Variants in OTOG observed in about 807,000 individuals in gnomAD.
OTOG encodes otogelin.
Under a neutral mutation model 313.8 loss-of-function variants are expected in OTOG, and 296 were observed. That is an observed-to-expected ratio of 0.94 (90% CI 0.86 to 1.04). The LOEUF is 1.04. OTOG is among the 50% of genes least tolerant of loss of function. The pLI, the probability that OTOG is intolerant of heterozygous loss-of-function variation, is 0.00. For synonymous variants in OTOG, 1,533 were observed against 1,554.9 expected (o/e 0.99, Z 0.33); for missense variants, 3,948 against 3,840.1 (o/e 1.03, Z -0.74).
In OTOG at chr11:17,558,306, A is replaced by C; in HGVS notation, c.987A>C (p.Gly329=). ...CACCGTGCCTACAGCAGAACCCAGG[A>C]ACCATGCAGGTCTGGAGCTTGGGGA... ...PRPPCLQQNP[G]TMQGVYEQCE... Residue 329 remains glycine, a synonymous_variant, in exon 9 of 56, where the codon GGA becomes GGC. Coordinates refer to ENST00000399397, the MANE Select transcript of OTOG (RefSeq NM_001292063.2). 6.4e-7 allele frequency: 1 copy of C among 1,550,852 alleles called. No individual in the cohort carries two copies. Among genetic ancestry groups the C allele is most frequent in the Non-Finnish European group, 8.7e-7 (1 of 1,147,040 alleles).
At chr11:17,594,911 A>G (rs1853055046) in intron 28 of OTOG, among the ~76,000 whole-genome samples, 1 of 152,200 alleles carries the variant, frequency 6.6e-6, no homozygotes, top group African/African-American at 2.4e-5. Context: ...CTTGGGAGCT[A>G]TGTTGAGAAA....
At chr11:17,551,402 A>G (rs569913552) in intron 3 of OTOG, among the ~76,000 whole-genome samples, 40 of 152,244 alleles carry the variant, frequency 2.6e-4, no homozygotes, top group African/African-American at 9.1e-4. Context: ...TAAGCCACAC[A>G]CTTGGCCTGT....
chr11:17,603,937 G>A (rs1230993562), intron 32 of OTOG, among the ~76,000 whole-genome samples: 1 of 152,118 alleles, frequency 6.6e-6, no homozygotes, highest in Non-Finnish European at 1.5e-5. Context: ...CCCTTCTGTA[G>A]GACTTCTCAT....
intron 47 of OTOG, 147 bp downstream of exon 47, chr11:17,635,858 G>A (rs549508402): frequency 4.6e-5 from 31 of 678,522 alleles, no homozygotes; most frequent in Admixed American, 4.5e-4. Context: ...AATCCAGGAC[G>A]AGTGCAGGCC....
intron 17 of OTOG, 67 bp downstream of exon 17, chr11:17,570,457 G>C: frequency 6.8e-7 from 1 of 1,464,054 alleles, no homozygotes; most frequent in South Asian, 1.3e-5. Context: ...GGTATCTAGA[G>C]GCACTGCCTA....
rs1217406448 is a variant in OTOG, at chr11:17,632,196, T to G, written c.7042T>G (p.Cys2348Gly). Reference sequence around the variant, plus strand: ...GGCCATGTGCCACAAATTTCATGTGTGCATCGAGTGGCGGCGCTCTGACTA... The same window carrying G: ...GGCCATGTGCCACAAATTTCATGTGGGCATCGAGTGGCGGCGCTCTGACTA... ...YVAMCHKFHV[C>G]IEWRRSDYCP... is the part of the protein sequence containing the mutation. Residue 2348 changes from cysteine to glycine, a missense_variant, in exon 42 of 56, where the codon TGC becomes GGC. Transcript: ENST00000399397. 9.7e-6 allele frequency: 15 copies of G among 1,550,914 alleles called. No homozygotes were observed. Among genetic ancestry groups the G allele is most frequent in the Non-Finnish European group, 1.3e-5 (15 of 1,146,960 alleles).
At chr11:17,613,281 C>G (rs1169274330) in intron 38 of OTOG, among the ~76,000 whole-genome samples, 2 of 136,430 alleles carry the variant, frequency 1.5e-5, no homozygotes, top group African/African-American at 5.3e-5. Context: ...CTCTGTCTGT[C>G]TTTCTCCTTC....
intron 1 of OTOG, 83 bp from the exon 2 acceptor site, chr11:17,547,844 G>A (rs891705958): frequency 1.3e-5 from 6 of 447,148 alleles, no homozygotes; most frequent in African/African-American, 1.2e-4. Context: ...CGTGGGAGAG[G>A]CTTTCTAGCA....
chr11:17,552,614 C>CTGTGTCTCCCCCCTGTCCTGTG (rs1158447407), intron 4 of OTOG, among the ~76,000 whole-genome samples: 1 of 151,694 alleles, frequency 6.6e-6, no homozygotes, highest in African/African-American at 2.4e-5. Context: ...CCCACCTGTC[C>CTGTGTCTCCCCCCTGTCCTGTG]TCTCACATCA....
chr11:17,634,706 A>T, intron 44 of OTOG, 138 bp from the exon 45 acceptor site: 1 of 673,616 alleles, frequency 1.5e-6, no homozygotes. Context: ...GACCTCATCT[A>T]GGAGTATGGG....
chr11:17,630,251 C>T (rs944908753), intron 40 of OTOG, among the ~76,000 whole-genome samples: 1 of 152,164 alleles, frequency 6.6e-6, no homozygotes, highest in African/African-American at 2.4e-5. Context: ...CCATCCCCAC[C>T]ACCACCAACA....
Position 17,593,161 on chromosome 11 carries a change from T to C in OTOG, c.3007-32T>C, listed in dbSNP as rs571095189. 1.1e-5 allele frequency: 17 copies of C among 1,537,358 alleles called. No homozygotes were observed. In the South Asian group the frequency reaches 1.9e-4, roughly 18 times the overall value. The stretch of plus-strand genomic sequence containing the variant: ...TCTTGGCAGGATCTCCTTTCTCCCT[T>C]GTTTTATTGGACTCACTTATTCTCT... On this transcript the variant is annotated intron_variant, in intron 25 of 55. Coordinates refer to ENST00000399397, the MANE Select transcript of OTOG (RefSeq NM_001292063.2).
chr11:17,553,850 G>A (rs917901216), intron 6 of OTOG, among the ~76,000 whole-genome samples: 3 of 152,240 alleles, frequency 2.0e-5, no homozygotes, highest in Admixed American at 2.0e-4. Context: ...AGAACTTATA[G>A]TCTAATGAAG....
intron 11 of OTOG, among the ~76,000 whole-genome samples, 155 bp from the exon 12 acceptor site, chr11:17,559,379 T>C (rs540127022): frequency 6.6e-6 from 1 of 152,288 alleles, no homozygotes; most frequent in East Asian, 1.9e-4. Context: ...CTTCTCCTTG[T>C]CAATTTCCTG....
intron 39 of OTOG, among the ~76,000 whole-genome samples, chr11:17,625,725 C>A (rs1853968586): frequency 6.6e-6 from 1 of 152,108 alleles, no homozygotes; most frequent in Non-Finnish European, 1.5e-5. Flanking sequence ...GTATGGTTTG[C>A]AAATATTTTC....
rs876657939 is a variant in OTOG, at chr11:17,606,135, G to T, written c.4156G>T (p.Asp1386Tyr). Residue 1386 changes from aspartate to tyrosine, a missense_variant and splice_region_variant, in exon 33 of 56, where the codon GAT becomes TAT. Coordinates refer to ENST00000399397, the MANE Select transcript of OTOG (RefSeq NM_001292063.2). ...FRRGTLFRLL[D>Y]AKPSGAAYPI... ...CCGGGGCACACTCTTCCGCCTTCTG[G>T]GTAGGCGACCCCCTGCCATTGCCCT... 3 of 1,527,136 alleles carry T rather than the reference G, an allele frequency of 2.0e-6. No homozygotes were observed. Among genetic ancestry groups the T allele is most frequent in the Non-Finnish European group, 1.8e-6 (2 of 1,133,084 alleles). 94.6% of individuals were successfully genotyped at this position (1,527,136 alleles called of 1,614,324 possible).
intron 17 of OTOG, among the ~76,000 whole-genome samples, 183 bp from the exon 18 acceptor site, chr11:17,571,897 T>C (rs1475554906): frequency 6.6e-6 from 1 of 152,180 alleles, no homozygotes; most frequent in African/African-American, 2.4e-5. Flanking sequence ...GTTGAGAGTG[T>C]GTGCGTATAC....
At position 17,613,655 on chromosome 11, in the gene OTOG, T is replaced by C; in HGVS notation, c.6482T>C (p.Met2161Thr). The change falls in exon 39 of 56, where the codon ATG becomes ACG. Residue 2161 changes from methionine (M) to threonine (T), a missense_variant. Met to Thr is a moderately conservative substitution (Grantham distance 81). Coordinates refer to ENST00000399397, the MANE Select transcript of OTOG (RefSeq NM_001292063.2). ...WPPFCLVMLN[M>T]THLAHQVTID... ...CCGTTCTGTCTGGTGATGTTGAACATGACTCACTTGGCCCATCAGGTCACT... is the reference window on the plus strand; with the variant it reads ...CCGTTCTGTCTGGTGATGTTGAACACGACTCACTTGGCCCATCAGGTCACT... 1 of 1,550,716 alleles carries C rather than the reference T, an allele frequency of 6.4e-7. No individual in the cohort carries two copies. The highest frequency in any genetic ancestry group is 8.7e-7 in the Non-Finnish European group (1 of 1,147,034).
intron 54 of OTOG, among the ~76,000 whole-genome samples, chr11:17,643,823 G>T (rs149089374): frequency 2.6e-5 from 4 of 152,290 alleles, no homozygotes; most frequent in Non-Finnish European, 4.4e-5. Context: ...CCCTGCCAAG[G>T]CCCCCAGCCC....
Sources: gnomAD v4.1 joint callset for allele counts (sites outside exome capture counted in the v4.1 genomes callset) on GRCh38, gnomAD v4.1.1 for gene constraint, MANE v1.5 for transcripts, NCBI Gene and HGNC (gene_info 2026-07-23, HGNC 2026-07-21) for gene names.